Variants in HNRNPK observed in about 807,000 individuals in gnomAD.
HNRNPK encodes the protein dC-stretch binding protein.
HNRNPK carries 7 observed loss-of-function variants against 67.0 expected under a neutral mutation model. The ratio of observed to expected loss-of-function variants is 0.10; its 90% CI spans 0.06 to 0.20. HNRNPK has a LOEUF of 0.20. Ranked by LOEUF, HNRNPK falls within the 10% of genes least tolerant of loss-of-function variation. The pLI is 1.00. For missense variants in HNRNPK, 264 were observed against 606.5 expected (o/e 0.44, Z 5.93); for synonymous variants, 213 against 193.7 (o/e 1.10, Z -0.83).
In HNRNPK at chr9:83,970,991, A is replaced by G. The variant is rs1435647336; in HGVS notation, c.1093-79T>C. 2.9e-6 allele frequency: 4 copies of G among 1,401,540 alleles called. No individual in the cohort carries two copies. The East Asian group carries it at 9.1e-5, about 32-fold the overall frequency. The allele number at this position is 1,401,540 out of a possible 1,614,324, so 86.8% of individuals were successfully genotyped here. On this transcript the variant is annotated intron_variant, in intron 13 of 16. Transcript: ENST00000376263. The stretch of plus-strand genomic sequence containing the variant: ...GGTACTTTAAAAAAATTCATTTAAT[A>G]AAATGGAGTCTTGCTATGTTGCCCA...
At position 83,969,180 on chromosome 9, in the gene HNRNPK, TC is replaced by T. The variant is rs369234036; in HGVS notation, c.*226del. The T allele has an allele frequency of 3.3e-3, 1,688 of 504,058 alleles. 3 individuals carry two copies. Among genetic ancestry groups the T allele is most frequent in the South Asian group, 5.6e-3 (181 of 32,324 alleles). 31.2% of individuals were successfully genotyped at this position (504,058 alleles called of 1,614,324 possible). ...TTCAATGTTAGTTTTTGCACGCCCT[TC>T]CCCCCCCCAACCCTGTTTGTAAGGA... On this transcript the variant is annotated 3_prime_UTR_variant, in exon 17 of 17. Coordinates refer to ENST00000376263, the MANE Select transcript of HNRNPK (RefSeq NM_031263.4).
intron 8 of HNRNPK, 45 bp downstream of exon 8, chr9:83,973,857 G>A: frequency 1.5e-6 from 2 of 1,369,070 alleles, no homozygotes; most frequent in Non-Finnish European, 2.1e-6. Context: ...GATCCTATGG[G>A]CCAGGCTCCA....
chr9:83,969,619 A>G, intron 16 of HNRNPK, 179 bp from the exon 17 acceptor site: 2 of 624,256 alleles, frequency 3.2e-6, no homozygotes, highest in Non-Finnish European at 5.8e-6. Context: ...AAAAATGATG[A>G]GTAGTAAATC....
At chr9:83,973,232 T>C in intron 9 of HNRNPK, 54 bp downstream of exon 9, 1 of 1,013,672 alleles carries the variant, frequency 9.9e-7, no homozygotes, top group Non-Finnish European at 1.6e-6. Flanking sequence ...GAAACAAGTC[T>C]ATATGAAAAT....
In HNRNPK at chr9:83,968,827, T is replaced by C. The variant is rs1415691000; in HGVS notation, c.*580A>G. On this transcript the variant is annotated 3_prime_UTR_variant, in exon 17 of 17. Transcript: ENST00000376263. Reference sequence around the variant, plus strand: ...CAACAGAGGAGCTGAAAATTAAACTTAGTGTTTAGTTTGGGGGTGGGTTGG... The same window carrying C: ...CAACAGAGGAGCTGAAAATTAAACTCAGTGTTTAGTTTGGGGGTGGGTTGG... 1 of 153,138 alleles carries C rather than the reference T, an allele frequency of 6.5e-6. No individual in the cohort carries two copies. The highest frequency in any genetic ancestry group is 1.9e-4 in the East Asian group (1 of 5,208). 9.5% of individuals were successfully genotyped at this position (153,138 alleles called of 1,614,324 possible). A position where few individuals can be genotyped will look rare whatever the true frequency, so the allele number is the denominator to read the frequency against.
intron 10 of HNRNPK, 89 bp from the exon 11 acceptor site, chr9:83,972,278 G>C (rs933542517): frequency 2.1e-6 from 2 of 975,128 alleles, no homozygotes; most frequent in South Asian, 1.7e-5. Context: ...CAAACAAAAT[G>C]TAAGTCATTC....
At chr9:83,969,484 C>T (rs759969205) in intron 16 of HNRNPK, 44 bp from the exon 17 acceptor site, 6 of 1,237,126 alleles carry the variant, frequency 4.8e-6, no homozygotes, top group East Asian at 2.3e-5. Context: ...AATTTTTGCT[C>T]GTAACATCTT....
chr9:83,976,842 T>A, intron 5 of HNRNPK, 153 bp downstream of exon 5: 1 of 506,328 alleles, frequency 2.0e-6, no homozygotes, highest in Non-Finnish European at 3.5e-6. Flanking sequence ...AAAACAGGAA[T>A]GGATAACTTC....
Position 83,970,768 on chromosome 9 carries a change from A to C in HNRNPK, c.1160T>G (p.Ile387Ser), listed in dbSNP as rs774517631. The change falls in exon 15 of 17, where the codon ATT becomes AGT. Residue 387 changes from isoleucine to serine, a missense_variant. Around this residue, in one of 6 missense-constraint regions of HNRNPK, gnomAD observed 24 missense variants for 103.3 expected, o/e 0.23. Transcript: ENST00000376263. ...GGGAATAGTTACTTGTGTAGTAATAATAGGTCCACCAAGATCACCATATGA... is the reference window on the plus strand; with the variant it reads ...GGGAATAGTTACTTGTGTAGTAATACTAGGTCCACCAAGATCACCATATGA... ...RGSYGDLGGPIITTQVTIPKD... is the reference protein window; with the variant it reads ...RGSYGDLGGPSITTQVTIPKD... The C allele has an allele frequency of 6.2e-7, 1 of 1,606,446 alleles. No homozygotes were observed. The highest frequency in any genetic ancestry group is 2.2e-5 in the East Asian group (1 of 44,820).
At chr9:83,969,885 T>C (rs1365001058) in intron 16 of HNRNPK, 1 of 609,994 alleles carries the variant, frequency 1.6e-6, no homozygotes, top group Non-Finnish European at 3.2e-6. Context: ...CTACAGGCTC[T>C]GTACAATTTT....
At chr9:83,979,243 G>C (rs563543058) in intron 1 of HNRNPK, among the ~76,000 whole-genome samples, 1 of 152,314 alleles carries the variant, frequency 6.6e-6, no homozygotes, top group South Asian at 2.1e-4. Flanking sequence ...CAACAAGCGA[G>C]GCACATTTAT....
intron 6 of HNRNPK, 75 bp downstream of exon 6, chr9:83,975,387 T>C: frequency 7.9e-7 from 1 of 1,261,876 alleles, no homozygotes; most frequent in Non-Finnish European, 1.2e-6. Context: ...ACTATTTAAT[T>C]ATATAAAAGG....
chr9:83,974,327 G>C (rs1311330239), intron 7 of HNRNPK, among the ~76,000 whole-genome samples, 190 bp downstream of exon 7: 1 of 146,826 alleles, frequency 6.8e-6, no homozygotes, highest in African/African-American at 2.5e-5. Context: ...TCCAGGAGTG[G>C]CCAGCCTGTT....
At chr9:83,980,309 G>C (rs575476804), upstream of HNRNPK, 2 of 152,380 alleles carry the variant, frequency 1.3e-5, no homozygotes, top group East Asian at 1.9e-4. Context: ...AGGGCGAAGC[G>C]ATTGGCCCGA....
intron 10 of HNRNPK, 131 bp from the exon 11 acceptor site, chr9:83,972,320 G>A: frequency 1.5e-6 from 1 of 671,354 alleles, no homozygotes. Context: ...ACAGAAACAG[G>A]AATTATGTCA....
chr9:83,976,723 T>C (rs1957079521), intron 5 of HNRNPK: 1 of 303,882 alleles, frequency 3.3e-6, no homozygotes, highest in South Asian at 1.4e-4. Flanking sequence ...TATTTCTAAT[T>C]AAGATGTTAT....
intron 3 of HNRNPK, 131 bp downstream of exon 3, chr9:83,978,064 C>T (rs1957151676): frequency 1.5e-6 from 1 of 649,148 alleles, no homozygotes; most frequent in South Asian, 1.9e-5. Context: ...GATGTAACTA[C>T]TGATAATCGC....
At chr9:83,971,148 G>A (rs555194935) in intron 13 of HNRNPK, 125 bp downstream of exon 13, 2 of 838,446 alleles carry the variant, frequency 2.4e-6, no homozygotes, top group East Asian at 2.4e-5. Context: ...CCCTCTTCAG[G>A]AAACCAAAGT....
At position 83,969,760 on chromosome 9, in the gene HNRNPK, G is replaced by C. The variant is rs548365410; in HGVS notation, c.1362-320C>G. 3 of 659,608 alleles carry C rather than the reference G, an allele frequency of 4.5e-6. No individual in the cohort carries two copies. In the African/African-American group the frequency reaches 5.2e-5, roughly 12 times the overall value. The allele number at this position is 659,608 out of a possible 1,614,324, so 40.9% of individuals were successfully genotyped here. A position where few individuals can be genotyped will look rare whatever the true frequency, so the allele number is the denominator to read the frequency against. On this transcript the variant is annotated intron_variant, in intron 16 of 16. Transcript: ENST00000376263. Reference sequence around the variant, plus strand: ...CCAATCATTTGTCCTGTAGAGGCATGGCCTGTGCCATATGGCAGACTGTGA... The same window carrying C: ...CCAATCATTTGTCCTGTAGAGGCATCGCCTGTGCCATATGGCAGACTGTGA...
Sources: gnomAD v4.1 joint callset for allele counts (sites outside exome capture counted in the v4.1 genomes callset) on GRCh38, gnomAD v4.1.1 for gene constraint, gnomAD v4.1.1 regional missense constraint, MANE v1.5 for transcripts, NCBI Gene and HGNC (gene_info 2026-07-23, HGNC 2026-07-21) for gene names.